The following PADI6 variants were observed in gnomAD, a reference collection of about 807,000 sequenced individuals.
PADI6 encodes the protein inactive protein-arginine deiminase type-6.
Under a neutral mutation model 78.2 loss-of-function variants are expected in PADI6, and 66 were observed. That is an observed-to-expected ratio of 0.84 (90% CI 0.69 to 1.04). The LOEUF (loss-of-function observed/expected upper bound fraction) is 1.04. Ranked by LOEUF, PADI6 falls within the 50% of genes least tolerant of loss-of-function variation. The probability of loss-of-function intolerance (pLI) is 0.00; values close to 1 mark genes in which losing one functional copy is unlikely to be tolerated. For synonymous variants in PADI6, 397 were observed against 346.9 expected (o/e 1.14, Z -1.60); for missense variants, 854 against 866.1 (o/e 0.99, Z 0.18).
chr1:17,401,367 G>A lies in PADI6; in HGVS notation c.2014G>A (p.Gly672Arg), dbSNP rs776357929. 5.6e-6 allele frequency: 9 copies of A among 1,613,934 alleles called. No homozygotes were observed. Among genetic ancestry groups the A allele is most frequent in the Non-Finnish European group, 7.6e-6 (9 of 1,179,912 alleles). ...CTTTGACTGTTACCTGACAGAGGTCGGAGACATCTGTGCCTGTGCCAACAT... is the reference window on the plus strand; with the variant it reads ...CTTTGACTGTTACCTGACAGAGGTCAGAGACATCTGTGCCTGTGCCAACAT... ...NDFDCYLTEVGDICACANIRR... is the reference protein window; with the variant it reads ...NDFDCYLTEVRDICACANIRR... The change falls in exon 16 of 16, where the codon GGA becomes AGA. Residue 672 changes from glycine (G) to arginine (R), a missense_variant. Gly to Arg is a moderately radical substitution (Grantham distance 125). Coordinates refer to ENST00000619609, the MANE Select transcript of PADI6 (RefSeq NM_207421.4).
chr1:17,373,783 C>T (rs1333677129), intron 2 of PADI6, among the ~76,000 whole-genome samples: 1 of 152,186 alleles, frequency 6.6e-6, no homozygotes, highest in Admixed American at 6.5e-5. Flanking sequence ...TGAGCCACCA[C>T]ACCTGGCCTA....
At chr1:17,377,994 C>A (rs554719598) in intron 3 of PADI6, among the ~76,000 whole-genome samples, 2 of 152,294 alleles carry the variant, frequency 1.3e-5, no homozygotes, top group East Asian at 3.9e-4. Flanking sequence ...TGAATCTTCC[C>A]CCTGGGTCAT....
rs758611630 is a variant in PADI6 at position 17,372,381 on chromosome 1, G to T, written c.116+20G>T. The T allele has an allele frequency of 6.2e-7, 1 of 1,610,168 alleles. No homozygotes were observed. Among genetic ancestry groups the T allele is most frequent in the Non-Finnish European group, 8.5e-7 (1 of 1,176,512 alleles). ...CAGCGGGTGAGATGCTGGGAGCTCT[G>T]CCAGAGGTGGCAGGCAGACAGGCAG... On this transcript the variant is annotated intron_variant, in intron 1 of 15. Coordinates refer to ENST00000619609, the MANE Select transcript of PADI6 (RefSeq NM_207421.4).
At chr1:17,395,949 G>GC (rs1318118087) in intron 13 of PADI6, among the ~76,000 whole-genome samples, 2 of 152,196 alleles carry the variant, frequency 1.3e-5, no homozygotes, top group Non-Finnish European at 2.9e-5. Flanking sequence ...TGTTAACAAT[G>GC]CTAGTGCCTG....
chr1:17,389,626 T>G (rs1435143213), intron 8 of PADI6, among the ~76,000 whole-genome samples: 1 of 152,176 alleles, frequency 6.6e-6, no homozygotes, highest in Non-Finnish European at 1.5e-5. Flanking sequence ...CTTCAGGGAA[T>G]CCAGGAGCAG....
rs1557609703 is a variant in PADI6 at position 17,397,093 on chromosome 1, C to T, written c.1641C>T (p.Asp547=). The part of the protein sequence containing the change: ...LSNGREAKTI[D]QLLADESLKK... The stretch of plus-strand genomic sequence containing the variant: ...CAGGAAGGGAAGCCAAAACCATCGA[C>T]CAACTTCTGGCTGATGAAAGCCTGA... Residue 547 remains aspartate (D), a synonymous_variant, in exon 14 of 16, where the codon GAC becomes GAT. Transcript: ENST00000619609. 1.2e-6 allele frequency: 2 copies of T among 1,613,800 alleles called. No homozygotes were observed. Among genetic ancestry groups the T allele is most frequent in the Admixed American group, 1.7e-5 (1 of 59,994 alleles).
intron 6 of PADI6, among the ~76,000 whole-genome samples, chr1:17,382,774 T>G (rs1404729101): frequency 6.6e-6 from 1 of 152,220 alleles, no homozygotes; most frequent in Non-Finnish European, 1.5e-5. Flanking sequence ...CAGCATGCTT[T>G]CTTTGGGTTT....
Position 17,375,975 on chromosome 1 carries a change from C to CT in PADI6, c.367+485dup, listed in dbSNP as rs575076756. Among the ~76,000 whole-genome samples the CT allele has an allele frequency of 2.4e-3, 358 of 150,328 alleles. 3 individuals are homozygous for CT. Among genetic ancestry groups the CT allele is most frequent in the African/African-American group, 3.8e-3 (153 of 40,266 alleles). On this transcript the variant is annotated intron_variant, in intron 3 of 15. Coordinates refer to ENST00000619609, the MANE Select transcript of PADI6 (RefSeq NM_207421.4). ...TCAGGAACAAGCTCTATAACATCTA[C>CT]TTTTTTTTTCTTTTTTTTCTGAGAT...
At chr1:17,397,239 G>C (rs1396474737) in intron 14 of PADI6, 98 bp downstream of exon 14, 7 of 1,304,380 alleles carry the variant, frequency 5.4e-6, no homozygotes, top group Non-Finnish European at 6.5e-6. Context: ...GTGAAGTGTT[G>C]GGCGGCGGGG....
chr1:17,394,821 C>A, intron 11 of PADI6, 130 bp from the exon 12 acceptor site: 1 of 1,115,442 alleles, frequency 9.0e-7, no homozygotes, highest in Non-Finnish European at 1.2e-6. Context: ...ACCAACACAT[C>A]CGCTATGGAC....
intron 2 of PADI6, among the ~76,000 whole-genome samples, chr1:17,373,776 G>A (rs1211098267): frequency 6.6e-6 from 1 of 152,174 alleles, no homozygotes; most frequent in Non-Finnish European, 1.5e-5. Context: ...ACAGGCATGA[G>A]CCACCACACC....
In PADI6 at chr1:17,388,788, G is replaced by C. The variant is rs1268219306; in HGVS notation, c.870G>C (p.Glu290Asp). ...VEESQDPSIPETVLYKDTVVF... is the reference protein window; with the variant it reads ...VEESQDPSIPDTVLYKDTVVF... ...TTGTCTTGTTGCAGTCAATTCCAGA[G>C]ACTGTGCTGTACAAAGACACGGTGG... is the stretch of plus-strand genomic sequence containing the variant. Residue 290 changes from glutamate (E) to aspartate (D), a missense_variant, in exon 8 of 16, where the codon GAG (glutamate) becomes GAC (aspartate). Glu to Asp is a conservative substitution (Grantham distance 45). Coordinates refer to ENST00000619609, the MANE Select transcript of PADI6 (RefSeq NM_207421.4). The C allele has an allele frequency of 6.2e-7, 1 of 1,613,414 alleles. No homozygotes were observed. The highest frequency in any genetic ancestry group is 1.3e-5 in the African/African-American group (1 of 74,922).
At chr1:17,380,219 ATGT>A (rs372447458) in intron 4 of PADI6, among the ~76,000 whole-genome samples, 6 of 150,660 alleles carry the variant, frequency 4.0e-5, no homozygotes, top group Non-Finnish European at 5.9e-5. Flanking sequence ...TTTGTTTTTG[ATGT>A]TGTTTTTGAT....
rs191892956 is a variant in PADI6 at position 17,388,744 on chromosome 1, G to A, written c.859-33G>A. On this transcript the variant is annotated intron_variant, in intron 7 of 15. Coordinates refer to ENST00000619609, the MANE Select transcript of PADI6 (RefSeq NM_207421.4). ...AAGAGGGGAGCGAGTAAATGTGGAA[G>A]CAGGTTGCTAACAGGACCTTGTCTT... is the stretch of plus-strand genomic sequence containing the variant. The A allele has an allele frequency of 3.8e-4, 603 of 1,592,062 alleles. 1 individual carries two copies. Among genetic ancestry groups the A allele is most frequent in the Non-Finnish European group, 4.9e-4 (565 of 1,163,282 alleles).
intron 3 of PADI6, among the ~76,000 whole-genome samples, chr1:17,375,944 A>G (rs962737790): frequency 3.3e-5 from 5 of 151,578 alleles, no homozygotes; most frequent in African/African-American, 2.4e-5. Context: ...GATCACCCCC[A>G]TCAGCTCAGG....
At position 17,373,047 on chromosome 1, in the gene PADI6, G is replaced by A. The variant is rs770170126; in HGVS notation, c.117-9G>A. Reference sequence around the variant, plus strand: ...TGCCCTGACGCGTGTCTCTTACCGGGCAAACCAGGTGTGCCCCCCAGAAGT... The same window carrying A: ...TGCCCTGACGCGTGTCTCTTACCGGACAAACCAGGTGTGCCCCCCAGAAGT... On this transcript the variant is annotated splice_polypyrimidine_tract_variant and intron_variant, in intron 1 of 15. Coordinates refer to ENST00000619609, the MANE Select transcript of PADI6 (RefSeq NM_207421.4). The A allele has an allele frequency of 1.9e-6, 3 of 1,611,950 alleles. No individual in the cohort carries two copies. The highest frequency in any genetic ancestry group is 1.3e-5 in the African/African-American group (1 of 74,994).
intron 6 of PADI6, among the ~76,000 whole-genome samples, chr1:17,387,269 C>T (rs180735145): frequency 3.9e-4 from 60 of 151,998 alleles, no homozygotes; most frequent in African/African-American, 1.4e-3. Flanking sequence ...TGTGGTAAAA[C>T]CCCATCTCTA....
Position 17,386,345 on chromosome 1 carries a change from T to C in PADI6, c.680-2036T>C, listed in dbSNP as rs2075119504. On this transcript the variant is annotated intron_variant, in intron 6 of 15. Coordinates refer to ENST00000619609, the MANE Select transcript of PADI6 (RefSeq NM_207421.4). Reference sequence around the variant, plus strand: ...ATCTGTGAGAGGGGCCCCCAGAAGGTCAACCACAGGAGAGCCAGCCAGTAG... The same window carrying C: ...ATCTGTGAGAGGGGCCCCCAGAAGGCCAACCACAGGAGAGCCAGCCAGTAG... Among the ~76,000 whole-genome samples, 6 of 152,262 alleles carry C rather than the reference T, an allele frequency of 3.9e-5. No individual in the cohort carries two copies. The South Asian group carries it at 1.2e-3, about 32-fold the overall frequency.
At chr1:17,376,116 A>G (rs1036508297) in intron 3 of PADI6, among the ~76,000 whole-genome samples, 3 of 152,044 alleles carry the variant, frequency 2.0e-5, no homozygotes, top group Non-Finnish European at 4.4e-5. Flanking sequence ...CTGGGACTAT[A>G]GGTGTGTGCC....
Sources: gnomAD v4.1 joint callset for allele counts (sites outside exome capture counted in the v4.1 genomes callset) on GRCh38, gnomAD v4.1.1 for gene constraint, MANE v1.5 for transcripts, NCBI Gene and HGNC (gene_info 2026-07-23, HGNC 2026-07-21) for gene names.